The following UGT2B11 variants were observed in gnomAD, a reference collection of about 807,000 sequenced individuals.
The protein encoded by UGT2B11 is UDP glucuronosyltransferase family 2 member B11.
Under a neutral mutation model 51.7 loss-of-function variants are expected in UGT2B11, and 49 were observed. That is an observed-to-expected ratio of 0.95 (90% CI 0.75 to 1.20). UGT2B11 has a LOEUF of 1.20. Ranked by LOEUF, UGT2B11 falls within the 50% of genes most tolerant of loss-of-function variation. The pLI is 0.00. For synonymous variants in UGT2B11, 273 were observed against 209.0 expected (o/e 1.31, Z -2.64); for missense variants, 810 against 622.1 (o/e 1.30, Z -3.21).
At chr4:69,204,823 T>C (rs555581449) in intron 4 of UGT2B11, among the ~76,000 whole-genome samples, 174 bp from the exon 5 acceptor site, 1 of 151,864 alleles carries the variant, frequency 6.6e-6, no homozygotes, top group Non-Finnish European at 1.5e-5. Flanking sequence ...CTGAAAGCTA[T>C]GTGGTGTGTG....
At chr4:69,207,708 A>G (rs910489215) in intron 3 of UGT2B11, among the ~76,000 whole-genome samples, 1 of 151,584 alleles carries the variant, frequency 6.6e-6, no homozygotes, top group Non-Finnish European at 1.5e-5. Flanking sequence ...ATTTGTTGTC[A>G]CATATTTCAC....
At chr4:69,223,615 TG>T in the UGT2B11 span, among the ~76,000 whole-genome samples, 1 of 152,140 alleles carries the variant, frequency 6.6e-6, no homozygotes. Flanking sequence ...CCAATTTACG[TG>T]GGCCTGGCCA....
At position 69,214,454 on chromosome 4, in the gene UGT2B11, A is replaced by G; in HGVS notation, c.269T>C (p.Ile90Thr). The change falls in exon 1 of 6, where the codon ATC (isoleucine) becomes ACC (threonine). Residue 90 changes from isoleucine to threonine, a missense_variant. Physicochemically the swap from Ile to Thr is moderately conservative, Grantham distance 89. Coordinates refer to ENST00000446444, the MANE Select transcript of UGT2B11 (RefSeq NM_001073.3). ...SLTKTEFENI[I>T]MQQVKRWSDI... is the part of the protein sequence containing the mutation. Reference sequence around the variant, plus strand: ...TGACCATCTCTTAACCTGTTGCATGATGATATTCTCAAATTCAGTTTTAGT... The same window carrying G: ...TGACCATCTCTTAACCTGTTGCATGGTGATATTCTCAAATTCAGTTTTAGT... 6.2e-7 allele frequency: 1 copy of G among 1,613,262 alleles called. No individual in the cohort carries two copies. Among genetic ancestry groups the G allele is most frequent in the Non-Finnish European group, 8.5e-7 (1 of 1,179,506 alleles).
intron 3 of UGT2B11, among the ~76,000 whole-genome samples, chr4:69,206,249 A>G (rs1721851394): frequency 6.6e-6 from 1 of 151,676 alleles, no homozygotes; most frequent in Non-Finnish European, 1.5e-5. Context: ...TATGGAATGA[A>G]TAAAGAAAAT....
At chr4:69,217,781 C>T (rs984406832), upstream of UGT2B11, among the ~76,000 whole-genome samples, 2 of 151,962 alleles carry the variant, frequency 1.3e-5, no homozygotes, top group African/African-American at 4.8e-5. Flanking sequence ...AGAAAAATAC[C>T]ATACATTGCC....
At chr4:69,205,105 A>G (rs760604618) in intron 4 of UGT2B11, among the ~76,000 whole-genome samples, 3 of 151,706 alleles carry the variant, frequency 2.0e-5, no homozygotes, top group African/African-American at 4.8e-5. Flanking sequence ...TTAGTCCTCC[A>G]GAAAATACAG....
chr4:69,214,881 C>G (rs893193837), upstream of UGT2B11: 194 of 1,139,692 alleles, frequency 1.7e-4, no homozygotes, highest in Non-Finnish European at 2.2e-4. Context: ...AAACAAAGTT[C>G]GATTACTTCA....
At chr4:69,213,895 T>A (rs1722164032) in intron 1 of UGT2B11, 107 bp downstream of exon 1, 1 of 1,400,326 alleles carries the variant, frequency 7.1e-7, no homozygotes, top group African/African-American at 1.4e-5. Flanking sequence ...TTTCATAAAT[T>A]CACTTACCAA....
intron 3 of UGT2B11, 56 bp from the exon 4 acceptor site, chr4:69,205,623 T>C (rs1721823063): frequency 1.3e-6 from 2 of 1,556,952 alleles, no homozygotes; most frequent in Non-Finnish European, 1.8e-6. Context: ...AATTATAGAA[T>C]GTTAGAACTG....
chr4:69,217,053 G>T (rs1468183768), upstream of UGT2B11, among the ~76,000 whole-genome samples: 5 of 152,140 alleles, frequency 3.3e-5, no homozygotes, highest in South Asian at 6.2e-4. Context: ...TATCCAAACA[G>T]ATATGTTTTA....
At chr4:69,210,204 G>T (rs1560539459) in intron 2 of UGT2B11, among the ~76,000 whole-genome samples, 1 of 151,666 alleles carries the variant, frequency 6.6e-6, no homozygotes, top group East Asian at 2.0e-4. Flanking sequence ...GCTATTGTAT[G>T]CACATACATT....
At chr4:69,204,713 T>C (rs960391545) in intron 4 of UGT2B11, 64 bp from the exon 5 acceptor site, 165 of 1,607,640 alleles carry the variant, frequency 1.0e-4, no homozygotes, top group East Asian at 5.6e-4. Context: ...CAATGAAAGG[T>C]TCTGAAAGTG....
chr4:69,218,532 G>A (rs1488150185), upstream of UGT2B11, among the ~76,000 whole-genome samples: 1 of 151,974 alleles, frequency 6.6e-6, no homozygotes, highest in Non-Finnish European at 1.5e-5. Flanking sequence ...GTTAATGCTT[G>A]GGATAAAATA....
chr4:69,214,642 C>T lies in UGT2B11; in HGVS notation c.81G>A (p.Leu27=). 6.2e-7 allele frequency: 1 copy of T among 1,613,156 alleles called. No homozygotes were observed. The highest frequency in any genetic ancestry group is 8.5e-7 in the Non-Finnish European group (1 of 1,179,338). ...AATGGCTGTATTCTGCGGCCCACAC[C>T]AGCACTTTTCCACAACTCCCAGAGC... The part of the protein sequence containing the change: ...YFSSGSCGKV[L]VWAAEYSHWM... The change falls in exon 1 of 6, where the codon CTG becomes CTA. Residue 27 remains leucine (L), a synonymous_variant. Transcript: ENST00000446444.
At chr4:69,208,018 T>C (rs1199703373) in intron 3 of UGT2B11, among the ~76,000 whole-genome samples, 3 of 151,650 alleles carry the variant, frequency 2.0e-5, no homozygotes, top group African/African-American at 7.2e-5. Flanking sequence ...TTCAGTTAAT[T>C]TCAGCAGTAT....
the UGT2B11 span, among the ~76,000 whole-genome samples, chr4:69,220,999 T>C: frequency 6.6e-6 from 1 of 152,176 alleles, no homozygotes; most frequent in Admixed American, 6.5e-5. Flanking sequence ...CCAATTCCAG[T>C]CCCAAGCCTG....
intron 3 of UGT2B11, 81 bp from the exon 4 acceptor site, chr4:69,205,648 A>AT: frequency 6.8e-7 from 1 of 1,474,876 alleles, no homozygotes; most frequent in Admixed American, 1.9e-5. Flanking sequence ...AAGCATAGGA[A>AT]TGAGATCAAG....
chr4:69,212,163 A>C (rs1722089478), intron 2 of UGT2B11, among the ~76,000 whole-genome samples: 1 of 151,564 alleles, frequency 6.6e-6, no homozygotes, highest in Non-Finnish European at 1.5e-5. Context: ...ATTTTCATTA[A>C]TTACTTTTCT....
intron 2 of UGT2B11, among the ~76,000 whole-genome samples, chr4:69,212,309 T>C (rs2109953181): frequency 6.6e-6 from 1 of 151,760 alleles, no homozygotes; most frequent in African/African-American, 2.4e-5. Flanking sequence ...AATACCTTCT[T>C]AGGTGTTGCA....
Sources: allele counts gnomAD v4.1 joint callset (sites outside exome capture counted in the v4.1 genomes callset), GRCh38; gene constraint gnomAD v4.1.1; transcripts MANE v1.5; gene names NCBI Gene and HGNC (gene_info 2026-07-23, HGNC 2026-07-21).